Variants in CNBD2 observed in about 807,000 individuals in gnomAD.
The protein encoded by CNBD2 is cyclic nucleotide binding domain containing 2.
A neutral mutation model predicts 63.7 loss-of-function variants in CNBD2; 64 were observed. The observed-to-expected ratio is 1.00, with a 90% CI of 0.82 to 1.24. CNBD2 has a LOEUF of 1.24. Ranked by LOEUF, CNBD2 falls within the 50% of genes most tolerant of loss-of-function variation. The probability of loss-of-function intolerance (pLI) is 0.00; values close to 1 mark genes in which losing one functional copy is unlikely to be tolerated. For synonymous variants in CNBD2, 229 were observed against 255.4 expected (o/e 0.90, Z 0.99); for missense variants, 691 against 713.5 (o/e 0.97, Z 0.36).
At chr20:36,022,014 CTT>C (rs11453771) in intron 10 of CNBD2, among the ~76,000 whole-genome samples, 3 of 143,454 alleles carry the variant, frequency 2.1e-5, no homozygotes, top group Non-Finnish European at 3.0e-5. Context: ...TTTTATTTTA[CTT>C]TTTTTTTTTT....
intron 10 of CNBD2, 25 bp downstream of exon 10, chr20:36,011,282 AC>A: frequency 6.7e-7 from 1 of 1,501,698 alleles, no homozygotes; most frequent in Non-Finnish European, 8.9e-7. Context: ...AGCTCTGTTC[AC>A]CATGGAGTAC....
chr20:36,022,605 G>A (rs2147368520), intron 10 of CNBD2, among the ~76,000 whole-genome samples: 1 of 151,910 alleles, frequency 6.6e-6, no homozygotes, highest in Admixed American at 6.6e-5. Context: ...AAAGTGCTGG[G>A]ATTACAGGTG....
At chr20:36,010,761 CAAAGAAAAAAAA>C (rs2057047418) in intron 9 of CNBD2, among the ~76,000 whole-genome samples, 1 of 137,844 alleles carries the variant, frequency 7.3e-6, no homozygotes, top group Non-Finnish European at 1.5e-5. Context: ...GACTCCGTCT[CAAAGAAAAAAAA>C]GAAAAAAAAA....
intron 8 of CNBD2, among the ~76,000 whole-genome samples, chr20:36,001,765 C>T (rs1174194861): frequency 7.3e-5 from 11 of 149,702 alleles, no homozygotes; most frequent in Non-Finnish European, 1.3e-4. Flanking sequence ...GACGGGGTGG[C>T]GGGGCAGAGG....
intron 11 of CNBD2, among the ~76,000 whole-genome samples, chr20:36,024,980 G>A (rs2057266378): frequency 6.6e-6 from 1 of 152,146 alleles, no homozygotes; most frequent in African/African-American, 2.4e-5. Context: ...GTTCATAGCA[G>A]CCATATTCAT....
At chr20:35,971,615 T>C (rs1411758417) in intron 1 of CNBD2, among the ~76,000 whole-genome samples, 1 of 151,984 alleles carries the variant, frequency 6.6e-6, no homozygotes, top group Non-Finnish European at 1.5e-5. Flanking sequence ...GGAGTTTCAC[T>C]GTGTTGGTCA....
At chr20:35,990,940 C>CA (rs536875067) in intron 7 of CNBD2, among the ~76,000 whole-genome samples, 6 of 151,046 alleles carry the variant, frequency 4.0e-5, no homozygotes, top group African/African-American at 9.7e-5. Flanking sequence ...GACAGAGTCT[C>CA]AAAAAAAATT....
chr20:36,021,506 T>C (rs778516504), intron 10 of CNBD2, among the ~76,000 whole-genome samples: 9 of 152,212 alleles, frequency 5.9e-5, no homozygotes, highest in Non-Finnish European at 1.2e-4. Flanking sequence ...ATGTGTATAT[T>C]GTACTTCAAC....
chr20:36,022,694 G>A (rs1193677897), intron 10 of CNBD2, among the ~76,000 whole-genome samples: 1 of 151,130 alleles, frequency 6.6e-6, no homozygotes, highest in Non-Finnish European at 1.5e-5. Flanking sequence ...GCAGTGGCGC[G>A]ATCTTGGCTC....
chr20:36,015,975 C>A (rs1294166784), intron 10 of CNBD2, among the ~76,000 whole-genome samples: 2 of 152,260 alleles, frequency 1.3e-5, no homozygotes, highest in South Asian at 2.1e-4. Context: ...TGGAAAAAAT[C>A]TGAAAAACAC....
At chr20:35,972,500 C>G in intron 1 of CNBD2, 129 bp from the exon 2 acceptor site, 1 of 871,354 alleles carries the variant, frequency 1.1e-6, no homozygotes, top group Non-Finnish European at 1.8e-6. Context: ...GTAACCATCA[C>G]TCCAGCACAC....
chr20:36,016,972 T>C (rs2057142135), intron 10 of CNBD2, among the ~76,000 whole-genome samples: 1 of 151,036 alleles, frequency 6.6e-6, no homozygotes, highest in African/African-American at 2.4e-5. Flanking sequence ...GGTGGGAGGA[T>C]TGCTTGACCC....
downstream of CNBD2, among the ~76,000 whole-genome samples, chr20:35,957,486 G>C (rs1872252347): frequency 6.6e-6 from 1 of 152,116 alleles, no homozygotes; most frequent in African/African-American, 2.4e-5. Context: ...ACTTTAGAAG[G>C]CTTGAAAGAT....
intron 8 of CNBD2, among the ~76,000 whole-genome samples, chr20:35,997,443 CAA>C (rs1414374426): frequency 6.6e-6 from 1 of 152,290 alleles, no homozygotes; most frequent in Non-Finnish European, 1.5e-5. Flanking sequence ...GGTGAGTACT[CAA>C]AGTCTCTGGG....
downstream of CNBD2, among the ~76,000 whole-genome samples, chr20:35,957,376 C>T (rs1472488723): frequency 1.3e-5 from 2 of 151,612 alleles, no homozygotes; most frequent in African/African-American, 2.4e-5. Flanking sequence ...CACCTGAGCT[C>T]AGGAGTTCAA....
At position 36,023,615 on chromosome 20, in the gene CNBD2, C is replaced by T. The variant is rs770735269; in HGVS notation, c.1283C>T (p.Ala428Val). ...ACTTCTCCCGAGGGTCTTCACCAGG[C>T]CTTCCTTCCAGAGGGTGAATGCGAC... ...EQGEILGLHQ[A>V]FLPEGECDTR... Residue 428 changes from alanine (A) to valine (V), a missense_variant, in exon 11 of 12, where the codon GCC (alanine) becomes GTC (valine). Coordinates refer to ENST00000373973, the MANE Select transcript of CNBD2 (RefSeq NM_001365709.1). 1 of 1,600,470 alleles carries T rather than the reference C, an allele frequency of 6.2e-7. No homozygotes were observed. The highest frequency in any genetic ancestry group is 1.7e-5 in the Admixed American group (1 of 58,106).
chr20:36,022,433 C>T (rs1279391236), intron 10 of CNBD2, among the ~76,000 whole-genome samples: 2 of 151,134 alleles, frequency 1.3e-5, no homozygotes, highest in Non-Finnish European at 3.0e-5. Flanking sequence ...CTCCTGATCT[C>T]GTGATCCACC....
At chr20:35,957,174 G>A (rs983088954), downstream of CNBD2, among the ~76,000 whole-genome samples, 1 of 152,186 alleles carries the variant, frequency 6.6e-6, no homozygotes, top group Non-Finnish European at 1.5e-5. Flanking sequence ...TTGAATGTCA[G>A]ACTGGAAGGG....
intron 10 of CNBD2, among the ~76,000 whole-genome samples, chr20:36,014,035 T>C (rs759140288): frequency 7.9e-5 from 12 of 151,626 alleles, no homozygotes; most frequent in Non-Finnish European, 1.8e-4. Flanking sequence ...CAAAAAAAAT[T>C]AGCCGGGCGT....
Sources: gnomAD v4.1 joint callset for allele counts (sites outside exome capture counted in the v4.1 genomes callset) on GRCh38, gnomAD v4.1.1 for gene constraint, MANE v1.5 for transcripts, NCBI Gene and HGNC (gene_info 2026-07-23, HGNC 2026-07-21) for gene names.